Variants in SPATS2 observed in about 807,000 individuals in gnomAD.
SPATS2 encodes the protein spermatogenesis associated serine rich 2, also known as spermatogenesis-associated serine-rich protein 2.
In SPATS2, 38 loss-of-function variants were observed where a neutral mutation model predicts 63.7. The observed-to-expected ratio is 0.60, with a 90% CI of 0.46 to 0.78. The LOEUF is 0.78. SPATS2 is among the 30% of genes least tolerant of loss of function. The probability of loss-of-function intolerance (pLI) is 0.00; values close to 1 mark genes in which losing one functional copy is unlikely to be tolerated. For synonymous variants in SPATS2, 207 were observed against 232.9 expected, an observed-to-expected ratio of 0.89 and a Z score of 1.01; for missense variants, 588 against 666.2, an observed-to-expected ratio of 0.88 and a Z score of 1.29.
At chr12:49,481,371 A>C (rs1946202454) in intron 3 of SPATS2, among the ~76,000 whole-genome samples, 2 of 152,060 alleles carry the variant, frequency 1.3e-5, no homozygotes, top group South Asian at 2.1e-4. Context: ...CAGAAAAAAA[A>C]GAAAGAAATA....
At chr12:49,483,905 A>G (rs1039873463) in intron 3 of SPATS2, among the ~76,000 whole-genome samples, 2 of 152,228 alleles carry the variant, frequency 1.3e-5, no homozygotes, top group Non-Finnish European at 2.9e-5. Context: ...CTGAGATTTT[A>G]TCTTATTGGG....
chr12:49,504,770 CTTTTT>C (rs745453843), intron 9 of SPATS2, among the ~76,000 whole-genome samples: 2 of 98,860 alleles, frequency 2.0e-5, no homozygotes, highest in African/African-American at 3.8e-5. Flanking sequence ...TTCTTTCTTT[CTTTTT>C]TTTTTTTTTT....
intron 5 of SPATS2, 103 bp from the exon 6 acceptor site, chr12:49,490,579 C>T (rs1051162498): frequency 3.7e-6 from 4 of 1,069,684 alleles, no homozygotes; most frequent in East Asian, 2.4e-5. Context: ...CTGTTAGGAG[C>T]TTTGTAAATT....
chr12:49,418,961 G>A (rs544618805), intron 2 of SPATS2, among the ~76,000 whole-genome samples: 2 of 152,310 alleles, frequency 1.3e-5, no homozygotes, highest in South Asian at 4.1e-4. Flanking sequence ...AACTTCAGTT[G>A]TAATTTGGCA....
chr12:49,443,659 A>G (rs1945462846), intron 2 of SPATS2, among the ~76,000 whole-genome samples: 1 of 151,884 alleles, frequency 6.6e-6, no homozygotes, highest in African/African-American at 2.4e-5. Flanking sequence ...GTTAATTTTT[A>G]TATATAGTAT....
intron 2 of SPATS2, among the ~76,000 whole-genome samples, chr12:49,455,706 C>G (rs1332053262): frequency 6.6e-6 from 1 of 152,212 alleles, no homozygotes; most frequent in Non-Finnish European, 1.5e-5. Flanking sequence ...ATTGCAGCCT[C>G]GACCTCCTGG....
chr12:49,475,661 C>CT (rs1356592166), intron 3 of SPATS2, among the ~76,000 whole-genome samples: 2 of 152,182 alleles, frequency 1.3e-5, no homozygotes, highest in African/African-American at 2.4e-5. Flanking sequence ...AGACTAGTCT[C>CT]TAACTCCTGA....
At chr12:49,413,286 G>A (rs1304325391) in intron 2 of SPATS2, among the ~76,000 whole-genome samples, 1 of 152,126 alleles carries the variant, frequency 6.6e-6, no homozygotes, top group Non-Finnish European at 1.5e-5. Flanking sequence ...GCAGGGGATG[G>A]AACAGCTACG....
At chr12:49,512,886 T>C (rs1946775448) in intron 9 of SPATS2, 1 of 1,289,190 alleles carries the variant, frequency 7.8e-7, no homozygotes, top group African/African-American at 1.5e-5. Context: ...CTAGAGTTCT[T>C]GGAGCAAAAT....
intron 3 of SPATS2, among the ~76,000 whole-genome samples, chr12:49,477,962 CT>C (rs1002916907): frequency 0.036 from 3,760 of 105,250 alleles, 90 homozygotes; most frequent in African/African-American, 0.12. Flanking sequence ...GTGGTTTTGT[CT>C]TTTTTTTTTT....
chr12:49,422,404 T>C (rs930226035), intron 2 of SPATS2, among the ~76,000 whole-genome samples: 1 of 152,224 alleles, frequency 6.6e-6, no homozygotes, highest in Non-Finnish European at 1.5e-5. Context: ...CCTCAAGCCT[T>C]CCTGCTTTTT....
At chr12:49,431,970 G>A (rs1252125471) in intron 2 of SPATS2, among the ~76,000 whole-genome samples, 2 of 151,888 alleles carry the variant, frequency 1.3e-5, no homozygotes, top group Non-Finnish European at 2.9e-5. Flanking sequence ...AGTGAGCCTG[G>A]GCAACAAAAC....
rs964337775 is a variant in SPATS2 at position 49,526,318 on chromosome 12, G to A, written c.*63G>A. On this transcript the variant is annotated 3_prime_UTR_variant, in exon 14 of 14. Coordinates refer to ENST00000552918, the MANE Select transcript of SPATS2 (RefSeq NM_023071.4). The stretch of plus-strand genomic sequence containing the variant: ...ATTCAACTTGATAACTGGACTTTAG[G>A]AAACTTACAGTTAGATGTAATAACA... 1.3e-6 allele frequency: 2 copies of A among 1,504,334 alleles called. No homozygotes were observed. 93.2% of individuals were successfully genotyped at this position (1,504,334 alleles called of 1,614,324 possible). A position where few individuals can be genotyped will look rare whatever the true frequency, so the allele number is the denominator to read the frequency against.
At chr12:49,380,167 CTTT>C (rs1307437668) in intron 2 of SPATS2, among the ~76,000 whole-genome samples, 9 of 136,504 alleles carry the variant, frequency 6.6e-5, no homozygotes, top group African/African-American at 2.7e-5. Flanking sequence ...TCCTCTCTCT[CTTT>C]TTTTTTTTTT....
At chr12:49,422,801 A>G (rs1322532106) in intron 2 of SPATS2, among the ~76,000 whole-genome samples, 6 of 151,926 alleles carry the variant, frequency 3.9e-5, no homozygotes, top group Admixed American at 1.3e-4. Context: ...ATTCCCAGCT[A>G]CTCAGGAGGC....
chr12:49,370,471 A>G (rs1943978223), intron 1 of SPATS2, among the ~76,000 whole-genome samples: 1 of 152,222 alleles, frequency 6.6e-6, no homozygotes, highest in African/African-American at 2.4e-5. Flanking sequence ...CCTGTAGAAT[A>G]TAATTCAGCT....
chr12:49,459,392 A>G (rs1945778027), intron 2 of SPATS2, among the ~76,000 whole-genome samples: 1 of 152,022 alleles, frequency 6.6e-6, no homozygotes, highest in Admixed American at 6.6e-5. Flanking sequence ...CTTGTTGCCC[A>G]GGCTGGAGTG....
In SPATS2 at chr12:49,512,867, C is replaced by T. The variant is rs560299394; in HGVS notation, c.840-1688C>T. On this transcript the variant is annotated intron_variant, in intron 9 of 13. Coordinates refer to ENST00000552918, the MANE Select transcript of SPATS2 (RefSeq NM_023071.4). ...GCTTTTGTTTTGTCTTTTAGGTATT[C>T]CAATGCTGCTAGAGTTCTTGGAGCA... The T allele has an allele frequency of 3.1e-5, 40 of 1,288,800 alleles. No homozygotes were observed. In the South Asian group the frequency reaches 4.6e-4, roughly 15 times the overall value. The allele number at this position is 1,288,800 out of a possible 1,614,324, so 79.8% of individuals were successfully genotyped here. A position where few individuals can be genotyped will look rare whatever the true frequency, so the allele number is the denominator to read the frequency against.
intron 2 of SPATS2, among the ~76,000 whole-genome samples, chr12:49,436,519 CG>C (rs1241738726): frequency 2.4e-5 from 3 of 127,508 alleles, no homozygotes; most frequent in African/African-American, 9.0e-5. Flanking sequence ...GCTGGCCGGG[CG>C]GGGGGCTGAC....
Sources: gnomAD v4.1 joint callset for allele counts (sites outside exome capture counted in the v4.1 genomes callset) on GRCh38, gnomAD v4.1.1 for gene constraint, MANE v1.5 for transcripts, NCBI Gene and HGNC (gene_info 2026-07-23, HGNC 2026-07-21) for gene names.